Variants in SLC14A2 observed in about 807,000 individuals in gnomAD.
The protein encoded by SLC14A2 is urea transporter 2.
Under a neutral mutation model 104.6 loss-of-function variants are expected in SLC14A2, and 91 were observed. The observed-to-expected ratio is 0.87, with a 90% CI of 0.73 to 1.04. The LOEUF is 1.04. Ranked by LOEUF, SLC14A2 falls within the 50% of genes least tolerant of loss-of-function variation. The pLI is 0.00. For synonymous variants in SLC14A2, 476 were observed against 466.4 expected, an observed-to-expected ratio of 1.02 and a Z score of -0.27; for missense variants, 1,189 against 1,156.0, an observed-to-expected ratio of 1.03 and a Z score of -0.41.
chr18:45,295,585 A>C (rs1274863205), intron 1 of SLC14A2, among the ~76,000 whole-genome samples: 1 of 152,162 alleles, frequency 6.6e-6, no homozygotes, highest in Non-Finnish European at 1.5e-5. Context: ...TCACTGCCGG[A>C]TAAGAATCAG....
the SLC14A2 span, among the ~76,000 whole-genome samples, chr18:45,168,019 C>T: frequency 1.3e-5 from 2 of 152,190 alleles, no homozygotes; most frequent in Non-Finnish European, 2.9e-5. Context: ...ACTAACTCGG[C>T]ATGGCCAGCT....
chr18:45,243,140 T>C (rs1599606282), intron 1 of SLC14A2, among the ~76,000 whole-genome samples: 1 of 152,332 alleles, frequency 6.6e-6, no homozygotes, highest in Non-Finnish European at 1.5e-5. Flanking sequence ...GTTGTAGTAA[T>C]TACCCTGCAA....
intron 1 of SLC14A2, among the ~76,000 whole-genome samples, chr18:45,439,008 A>T (rs1034455925): frequency 6.6e-6 from 1 of 152,206 alleles, no homozygotes; most frequent in South Asian, 2.1e-4. Flanking sequence ...GACAGGCTAG[A>T]CATGATAGAT....
At chr18:45,262,364 C>G (rs1285168462) in intron 1 of SLC14A2, among the ~76,000 whole-genome samples, 1 of 152,088 alleles carries the variant, frequency 6.6e-6, no homozygotes, top group African/African-American at 2.4e-5. Context: ...CACCACTGTA[C>G]ATGCTGCCCC....
intron 1 of SLC14A2, among the ~76,000 whole-genome samples, chr18:45,312,985 C>T (rs943837298): frequency 9.9e-5 from 15 of 152,200 alleles, no homozygotes; most frequent in African/African-American, 2.7e-4. Flanking sequence ...ACATGGTGCA[C>T]ACCCTCCACC....
At position 45,570,590 on chromosome 18, in the gene SLC14A2, T is replaced by C. The variant is rs375129755; in HGVS notation, c.-34-54041T>C. Among the ~76,000 whole-genome samples the C allele has an allele frequency of 5.7e-4, 87 of 152,350 alleles. 2 individuals carry two copies. The South Asian group carries it at 0.018, about 31-fold the overall frequency. On this transcript the variant is annotated intron_variant, in intron 2 of 20. Coordinates refer to the SLC14A2 transcript ENST00000586448. ...CTTTACAATTTACATAGGATGTTGA[T>C]CAAGCAATATACCTTCTATCCTTTT...
intron 1 of SLC14A2, among the ~76,000 whole-genome samples, chr18:45,287,514 T>C (rs1204584690): frequency 6.6e-6 from 1 of 152,114 alleles, no homozygotes; most frequent in Non-Finnish European, 1.5e-5. Flanking sequence ...GGGGACAGGG[T>C]AGGAGTGGGG....
chr18:45,250,297 C>T (rs1043810331), intron 1 of SLC14A2, among the ~76,000 whole-genome samples: 2 of 152,190 alleles, frequency 1.3e-5, no homozygotes, highest in Non-Finnish European at 2.9e-5. Context: ...CATTTACAAA[C>T]ACACACGCAT....
chr18:45,428,339 CA>C (rs1294737052), intron 1 of SLC14A2, among the ~76,000 whole-genome samples: 2 of 152,150 alleles, frequency 1.3e-5, no homozygotes, highest in Non-Finnish European at 2.9e-5. Flanking sequence ...GTCACTTCTT[CA>C]AATTGTTGGA....
intron 1 of SLC14A2, among the ~76,000 whole-genome samples, chr18:45,246,533 C>T (rs1298151386): frequency 2.6e-5 from 4 of 152,082 alleles, no homozygotes; most frequent in Non-Finnish European, 5.9e-5. Context: ...CATTTCAAAC[C>T]TCTCACTAAC....
Position 45,468,141 on chromosome 18 carries a change from G to A in SLC14A2, c.-124-15092G>A, listed in dbSNP as rs2542999. ...GAAGGCCAGCCCTGCAGGAAATCCC[G>A]AGCTAAGAAACAAGAACAATTTGAA... is the stretch of plus-strand genomic sequence containing the variant. On this transcript the variant is annotated intron_variant, in intron 1 of 20. Coordinates refer to the SLC14A2 transcript ENST00000586448. 2.9e-3 allele frequency among the ~76,000 whole-genome samples: 447 copies of A among 152,176 alleles called. 1 individual carries two copies. The highest frequency in any genetic ancestry group is 5.5e-3 in the Non-Finnish European group (371 of 68,012).
intron 1 of SLC14A2, among the ~76,000 whole-genome samples, chr18:45,479,431 C>T (rs1344548225): frequency 1.3e-5 from 2 of 152,138 alleles, no homozygotes; most frequent in Non-Finnish European, 2.9e-5. Flanking sequence ...ACAATGAATT[C>T]TCCTTGATCT....
At chr18:45,406,595 C>A (rs1568186297) in intron 1 of SLC14A2, among the ~76,000 whole-genome samples, 1 of 152,156 alleles carries the variant, frequency 6.6e-6, no homozygotes, top group East Asian at 1.9e-4. Context: ...ACAGAGGAAT[C>A]ACTATCTGTG....
intron 1 of SLC14A2, among the ~76,000 whole-genome samples, chr18:45,244,336 G>A (rs1047160608): frequency 1.3e-5 from 2 of 152,092 alleles, no homozygotes; most frequent in Admixed American, 1.3e-4. Context: ...GCCGGGGGGA[G>A]GGGGGTGGTG....
chr18:45,311,136 A>G (rs1214069148), intron 1 of SLC14A2, among the ~76,000 whole-genome samples: 2 of 152,222 alleles, frequency 1.3e-5, no homozygotes, highest in Non-Finnish European at 2.9e-5. Context: ...GGCTTTGCAT[A>G]CACAGCACAT....
intron 1 of SLC14A2, among the ~76,000 whole-genome samples, chr18:45,363,419 C>T (rs1261877574): frequency 6.6e-6 from 1 of 152,146 alleles, no homozygotes; most frequent in East Asian, 1.9e-4. Context: ...GGAGGGAGAT[C>T]AGCACCTCGC....
rs528318060 is a variant in SLC14A2 at position 45,471,323 on chromosome 18, C to G, written c.-124-11910C>G. Among the ~76,000 whole-genome samples, 35 of 152,172 alleles carry G rather than the reference C, an allele frequency of 2.3e-4. No homozygotes were observed. The South Asian group carries it at 7.3e-3, about 32-fold the overall frequency. On this transcript the variant is annotated intron_variant, in intron 1 of 20. Coordinates refer to the SLC14A2 transcript ENST00000586448. ...TCTTGGTTTTCTTTTGTTTGTTTCG[C>G]TTTTTGTTTGTTGGGATGGCAAGAG...
intron 1 of SLC14A2, among the ~76,000 whole-genome samples, chr18:45,338,604 T>G (rs1237601226): frequency 7.4e-6 from 1 of 134,272 alleles, no homozygotes; most frequent in Non-Finnish European, 1.5e-5. Context: ...AAACAATGTG[T>G]AACCTCACCA....
At chr18:45,382,193 G>A (rs2085845854) in intron 1 of SLC14A2, among the ~76,000 whole-genome samples, 1 of 152,162 alleles carries the variant, frequency 6.6e-6, no homozygotes, top group South Asian at 2.1e-4. Flanking sequence ...CACATTCAGT[G>A]CATCTGCCAT....
Sources: allele counts gnomAD v4.1 joint callset (sites outside exome capture counted in the v4.1 genomes callset), GRCh38; gene constraint gnomAD v4.1.1; transcripts MANE v1.5; gene names NCBI Gene and HGNC (gene_info 2026-07-23, HGNC 2026-07-21).